The following PLA2G5 variants were observed in gnomAD, a reference collection of about 807,000 sequenced individuals.
PLA2G5 encodes Ca2+-dependent phospholipase A2.
In PLA2G5, 12 loss-of-function variants were observed where a neutral mutation model predicts 15.9. The observed-to-expected ratio is 0.76, with a 90% CI of 0.48 to 1.23. The LOEUF is 1.23. Ranked by LOEUF, PLA2G5 falls within the 50% of genes most tolerant of loss-of-function variation. The pLI, the probability that PLA2G5 is intolerant of heterozygous loss-of-function variation, is 0.00. For missense variants in PLA2G5, 169 were observed against 177.1 expected (o/e 0.95, Z 0.26); for synonymous variants, 71 against 71.4 (o/e 0.99, Z 0.03).
At position 20,062,790 on chromosome 1, in the gene PLA2G5, C is replaced by T. The variant is rs555316917; in HGVS notation, n.337+3098C>T. On this transcript the variant is annotated intron_variant and non_coding_transcript_variant, in intron 2 of 6. Coordinates refer to the PLA2G5 transcript ENST00000460175. ...TGATGGACTGGATGAATAAATGGTA[C>T]ATCTGTGTGCCTAGGGGGCCCATTC... 1.1e-4 allele frequency among the ~76,000 whole-genome samples: 17 copies of T among 152,114 alleles called. 1 individual carries two copies. The highest frequency in any genetic ancestry group is 2.4e-4 in the Non-Finnish European group (16 of 68,026).
chr1:20,070,679 C>CCA (rs1474028465), intron 1 of PLA2G5, among the ~76,000 whole-genome samples: 1 of 152,142 alleles, frequency 6.6e-6, no homozygotes, highest in Non-Finnish European at 1.5e-5. Flanking sequence ...GGAGGCCAGG[C>CCA]CACACCTCAA....
intron 3 of PLA2G5, among the ~76,000 whole-genome samples, chr1:20,086,570 T>A (rs1221033319): frequency 2.6e-5 from 4 of 152,192 alleles, no homozygotes; most frequent in Non-Finnish European, 5.9e-5. Context: ...GATGGCTCAC[T>A]CCTATGGCTG....
chr1:20,073,022 G>A (rs533086919), intron 1 of PLA2G5, among the ~76,000 whole-genome samples: 3 of 152,216 alleles, frequency 2.0e-5, no homozygotes, highest in Admixed American at 1.3e-4. Flanking sequence ...CAGGTGGAGC[G>A]GCCTTGAATT....
intron 1 of PLA2G5, among the ~76,000 whole-genome samples, chr1:20,038,976 A>G (rs1463738449): frequency 6.6e-6 from 1 of 152,100 alleles, no homozygotes; most frequent in Non-Finnish European, 1.5e-5. Flanking sequence ...GACATTGTCT[A>G]CACTCAGTTG....
intron 4 of PLA2G5, 134 bp from the exon 5 acceptor site, chr1:20,090,434 C>T: frequency 1.1e-6 from 1 of 874,050 alleles, no homozygotes; most frequent in Non-Finnish European, 1.9e-6. Context: ...ATCAGATTCT[C>T]TATTCCCCCG....
intron 4 of PLA2G5, among the ~76,000 whole-genome samples, chr1:20,090,144 T>G (rs1557758967): frequency 6.6e-6 from 1 of 152,218 alleles, no homozygotes; most frequent in African/African-American, 2.4e-5. Flanking sequence ...AGAGTATGTT[T>G]AGGCTTCTCC....
intron 3 of PLA2G5, 92 bp downstream of exon 3, chr1:20,086,319 T>A: frequency 7.5e-7 from 1 of 1,338,622 alleles, no homozygotes; most frequent in Non-Finnish European, 1.0e-6. Context: ...AGATGAGTAT[T>A]AAAGTACCAT....
intron 1 of PLA2G5, among the ~76,000 whole-genome samples, chr1:20,029,370 C>CCTCCGCTGACATGTTT (rs2012768311): frequency 6.6e-6 from 1 of 152,086 alleles, no homozygotes; most frequent in South Asian, 2.1e-4. Flanking sequence ...CTGACATGTT[C>CCTCCGCTGACATGTTT]CTCCGCTGAC....
intron 1 of PLA2G5, among the ~76,000 whole-genome samples, chr1:20,038,145 G>A (rs2013375346): frequency 6.6e-6 from 1 of 152,084 alleles, no homozygotes; most frequent in African/African-American, 2.4e-5. Flanking sequence ...TGGTGAGTAG[G>A]GCTGAGATTT....
intron 1 of PLA2G5, among the ~76,000 whole-genome samples, chr1:20,083,921 G>C (rs1162021412): frequency 6.6e-6 from 1 of 151,672 alleles, no homozygotes; most frequent in African/African-American, 2.4e-5. Context: ...TTATTCTTTA[G>C]GTAGACACAG....
chr1:20,071,829 C>A (rs1254682976), intron 1 of PLA2G5, among the ~76,000 whole-genome samples: 5 of 152,150 alleles, frequency 3.3e-5, no homozygotes, highest in African/African-American at 1.2e-4. Flanking sequence ...CCACTCCAGC[C>A]CAGTGTGGTG....
upstream of PLA2G5, among the ~76,000 whole-genome samples, chr1:20,067,179 GA>G (rs1370087336): frequency 2.6e-5 from 4 of 152,122 alleles, no homozygotes; most frequent in Non-Finnish European, 5.9e-5. Flanking sequence ...ATTTTGGGTA[GA>G]GATGGAGTCT....
intron 2 of PLA2G5, among the ~76,000 whole-genome samples, chr1:20,062,434 G>A (rs1170020457): frequency 6.6e-6 from 1 of 152,168 alleles, no homozygotes; most frequent in Non-Finnish European, 1.5e-5. Context: ...CATCCTCTGA[G>A]AGGAAAACTC....
chr1:20,086,206 C>T lies in PLA2G5; in HGVS notation c.164C>T (p.Thr55Ile), dbSNP rs756403742. Residue 55 changes from threonine to isoleucine, a missense_variant, in exon 3 of 5, where the codon ACC becomes ATC. Transcript: ENST00000375108. Reference protein sequence around the residue: ...GCYCGWGGRGTPKDGTDWCCW... With the variant: ...GCYCGWGGRGIPKDGTDWCCW... ...TACTGCGGCTGGGGCGGCCGAGGAACCCCCAAGGATGGCACCGATTGGTGA... is the reference window on the plus strand; with the variant it reads ...TACTGCGGCTGGGGCGGCCGAGGAATCCCCAAGGATGGCACCGATTGGTGA... The T allele has an allele frequency of 4.3e-6, 7 of 1,614,134 alleles. No individual in the cohort carries two copies. The highest frequency in any genetic ancestry group is 1.1e-5 in the South Asian group (1 of 91,080).
At chr1:20,072,943 A>T (rs966043040) in intron 1 of PLA2G5, among the ~76,000 whole-genome samples, 2 of 152,218 alleles carry the variant, frequency 1.3e-5, no homozygotes, top group Admixed American at 6.5e-5. Context: ...TGGTCCTCGT[A>T]GTGCCTAACG....
At chr1:20,043,781 G>C (rs1557726876) in intron 1 of PLA2G5, among the ~76,000 whole-genome samples, 1 of 152,190 alleles carries the variant, frequency 6.6e-6, no homozygotes, top group Non-Finnish European at 1.5e-5. Context: ...ACCCACAACA[G>C]TTATGGGGGC....
At chr1:20,078,639 A>G (rs188030988) in intron 1 of PLA2G5, among the ~76,000 whole-genome samples, 1 of 152,282 alleles carries the variant, frequency 6.6e-6, no homozygotes, top group East Asian at 1.9e-4. Flanking sequence ...TAGACACTTC[A>G]TAAATATTTT....
At chr1:20,074,739 G>A (rs530260962) in intron 1 of PLA2G5, among the ~76,000 whole-genome samples, 11 of 152,326 alleles carry the variant, frequency 7.2e-5, no homozygotes, top group Admixed American at 1.3e-4. Context: ...TTAGAAAAAC[G>A]TTCTTGGATT....
intron 1 of PLA2G5, among the ~76,000 whole-genome samples, chr1:20,073,163 GTAGA>G (rs1055460635): frequency 6.6e-6 from 1 of 152,166 alleles, no homozygotes; most frequent in African/African-American, 2.4e-5. Context: ...GGAAAAACAA[GTAGA>G]TTTTAACCAG....
Sources: allele counts gnomAD v4.1 joint callset (sites outside exome capture counted in the v4.1 genomes callset), GRCh38; gene constraint gnomAD v4.1.1; transcripts MANE v1.5; gene names NCBI Gene and HGNC (gene_info 2026-07-23, HGNC 2026-07-21).